CEP63: variants seen among roughly 807,000 people sequenced by gnomAD.
CEP63 encodes centrosomal protein 63, also known as centrosomal protein of 63 kDa.
A neutral mutation model predicts 89.1 loss-of-function variants in CEP63; 84 were observed. That is an observed-to-expected ratio of 0.94 (90% CI 0.79 to 1.13). The LOEUF is 1.13. CEP63 is among the 50% of genes most tolerant of loss of function. The pLI is 0.00. For synonymous variants in CEP63, 267 were observed against 272.5 expected (o/e 0.98, Z 0.20); for missense variants, 838 against 813.3 (o/e 1.03, Z -0.37).
chr3:134,769,580 G>A, the CEP63 span, among the ~76,000 whole-genome samples: 1 of 152,194 alleles, frequency 6.6e-6, no homozygotes, highest in Non-Finnish European at 1.5e-5. Context: ...CAGGTGCCTT[G>A]TACATAATTG....
At chr3:134,495,245 T>C in intron 1 of CEP63, 51 bp from the exon 2 acceptor site, 1 of 1,261,286 alleles carries the variant, frequency 7.9e-7, no homozygotes, top group Non-Finnish European at 1.2e-6. Context: ...GTTAGAATGT[T>C]AGAACTGAAG....
At chr3:134,707,095 A>G in the CEP63 span, among the ~76,000 whole-genome samples, 1 of 152,190 alleles carries the variant, frequency 6.6e-6, no homozygotes, top group Non-Finnish European at 1.5e-5. Flanking sequence ...GACACTATTC[A>G]ACCACTACGG....
chr3:134,756,784 G>C, the CEP63 span, among the ~76,000 whole-genome samples: 56 of 152,154 alleles, frequency 3.7e-4, no homozygotes, highest in Non-Finnish European at 1.3e-4. Flanking sequence ...GCCCTGACAG[G>C]CTGAAGGTCC....
At chr3:134,699,845 A>T in the CEP63 span, among the ~76,000 whole-genome samples, 150 of 152,358 alleles carry the variant, frequency 9.8e-4, 1 homozygote, top group African/African-American at 3.5e-3. Flanking sequence ...CTTGTCCAGA[A>T]GAACACTTTT....
chr3:134,547,394 AC>A lies in CEP63; in HGVS notation c.990del (p.Asp330GlufsTer7), dbSNP rs774485513. 130 of 1,613,634 alleles carry A rather than the reference AC, an allele frequency of 8.1e-5. No individual in the cohort carries two copies. Among genetic ancestry groups the A allele is most frequent in the Non-Finnish European group, 1.1e-4 (129 of 1,179,724 alleles). ...ACCTCTCAAGGGCAGGGGGACTTAG[AC>A]AGTGTGCTCTCCCAGTTGAATTTTA... Reference protein sequence around the residue: ...KYTSQGQGDLDSVLSQLNFTH... With the variant: ...KYTSQGQGDLXSVLSQLNFTH... On this transcript the variant is annotated frameshift_variant, in exon 9 of 15. Coordinates refer to ENST00000675561, the MANE Select transcript of CEP63 (RefSeq NM_001353108.3). LOFTEE classifies it high-confidence loss of function.
At chr3:134,658,938 C>A in the CEP63 span, among the ~76,000 whole-genome samples, 1 of 152,202 alleles carries the variant, frequency 6.6e-6, no homozygotes, top group African/African-American at 2.4e-5. Context: ...GTCAGCCACT[C>A]CCTTTCTCAA....
chr3:134,601,941 C>T, the CEP63 span, among the ~76,000 whole-genome samples: 1 of 152,142 alleles, frequency 6.6e-6, no homozygotes, highest in East Asian at 1.9e-4. Flanking sequence ...TGGCAGGGGC[C>T]GGGCCCCCTT....
chr3:134,702,380 T>A, the CEP63 span, among the ~76,000 whole-genome samples: 1 of 149,680 alleles, frequency 6.7e-6, no homozygotes, highest in Non-Finnish European at 1.5e-5. Context: ...GAAATTTATG[T>A]GGAACCAAAA....
chr3:134,510,586 T>TA (rs756823338), intron 3 of CEP63: 34 of 595,166 alleles, frequency 5.7e-5, no homozygotes, highest in Non-Finnish European at 7.6e-5. Flanking sequence ...GGGCACAACT[T>TA]ACTGTCTTCA....
At chr3:134,618,020 G>C in the CEP63 span, among the ~76,000 whole-genome samples, 1 of 152,134 alleles carries the variant, frequency 6.6e-6, no homozygotes, top group Non-Finnish European at 1.5e-5. Flanking sequence ...GGGGTGGGAA[G>C]CAGCCTGGGT....
chr3:134,530,553 GT>G (rs1300130833), intron 3 of CEP63, among the ~76,000 whole-genome samples: 2 of 151,618 alleles, frequency 1.3e-5, no homozygotes, highest in Non-Finnish European at 1.5e-5. Flanking sequence ...TTTTAATTTT[GT>G]TAATTGGATT....
At chr3:134,519,751 G>A (rs918898009) in intron 3 of CEP63, among the ~76,000 whole-genome samples, 1 of 152,060 alleles carries the variant, frequency 6.6e-6, no homozygotes, top group African/African-American at 2.4e-5. Flanking sequence ...ACTAACTTAG[G>A]TTTATTCTAG....
rs1181059798 is a variant in CEP63, at chr3:134,528,586, G to GTGTGTGTGTGTGTT, written c.223-3251_223-3250insTGTGTTTGTGTGTG. ...TGTGTGTGCGTGTGTGTGTGTGTGT[G>GTGTGTGTGTGTGTT]TGTGTGTGGTGTTTTGAGGGTTGCC... On this transcript the variant is annotated intron_variant, in intron 3 of 14. Transcript: ENST00000675561. Among the ~76,000 whole-genome samples the GTGTGTGTGTGTGTT allele has an allele frequency of 1.1e-3, 163 of 151,952 alleles. 1 individual carries two copies. The highest frequency in any genetic ancestry group is 3.7e-3 in the African/African-American group (153 of 41,444).
At position 134,547,370 on chromosome 3, in the gene CEP63, C is replaced by A. The variant is rs776304831; in HGVS notation, c.965C>A (p.Thr322Asn). ...GAATCTCTGGCAGAAAAGAAGTACACCTCTCAAGGGCAGGGGGACTTAGAC... is the reference window on the plus strand; with the variant it reads ...GAATCTCTGGCAGAAAAGAAGTACAACTCTCAAGGGCAGGGGGACTTAGAC... ...REESLAEKKY[T>N]SQGQGDLDSV... is the part of the protein sequence containing the mutation. Residue 322 changes from threonine to asparagine, a missense_variant, in exon 9 of 15, where the codon ACC becomes AAC. Thr to Asn is a moderately conservative substitution (Grantham distance 65, BLOSUM62 0). Transcript: ENST00000675561. 1 of 1,613,540 alleles carries A rather than the reference C, an allele frequency of 6.2e-7. No individual in the cohort carries two copies. Among genetic ancestry groups the A allele is most frequent in the Non-Finnish European group, 8.5e-7 (1 of 1,179,692 alleles).
chr3:134,563,564 A>G lies in CEP63; in HGVS notation c.*2029A>G, dbSNP rs13065773. ...TAGCTTCCCGAGTAGCTGGGATTAC[A>G]GGCGCATGCCACCAGGCCCAGCTAA... On this transcript the variant is annotated 3_prime_UTR_variant, in exon 15 of 15. Coordinates refer to ENST00000675561, the MANE Select transcript of CEP63 (RefSeq NM_001353108.3). 48,354 of 152,032 alleles carry G rather than the reference A, an allele frequency of 0.32. 7,970 individuals are homozygous for G. Among genetic ancestry groups the G allele is most frequent in the African/African-American group, 0.36 (14,769 of 41,380 alleles). 9.4% of individuals were successfully genotyped at this position (152,032 alleles called of 1,614,324 possible).
At chr3:134,740,123 G>A in the CEP63 span, among the ~76,000 whole-genome samples, 1,965 of 152,194 alleles carry the variant, frequency 0.013, 17 homozygotes, top group Non-Finnish European at 0.019. Flanking sequence ...CTCCCTGGGG[G>A]TCTTTAACAT....
chr3:134,542,960 A>G (rs377622395), intron 6 of CEP63, among the ~76,000 whole-genome samples: 2 of 152,010 alleles, frequency 1.3e-5, no homozygotes, highest in Non-Finnish European at 2.9e-5. Flanking sequence ...AAAAGTTTAA[A>G]AATATGCCAG....
At chr3:134,643,295 G>A in the CEP63 span, 1 of 1,612,896 alleles carries the variant, frequency 6.2e-7, no homozygotes, top group Non-Finnish European at 8.5e-7. Context: ...GGGAGGTCAC[G>A]GCTAGCGGCG....
chr3:134,683,962 C>T, the CEP63 span, among the ~76,000 whole-genome samples: 43 of 152,178 alleles, frequency 2.8e-4, no homozygotes, highest in Non-Finnish European at 1.8e-4. Context: ...ACCTGTGGAT[C>T]TGGGTGGGGT....
Sources: allele counts gnomAD v4.1 joint callset (sites outside exome capture counted in the v4.1 genomes callset), GRCh38; gene constraint gnomAD v4.1.1; transcripts MANE v1.5; gene names NCBI Gene and HGNC (gene_info 2026-07-23, HGNC 2026-07-21).